The following GRB14 variants were observed in gnomAD, a reference collection of about 807,000 sequenced individuals.
GRB14 encodes growth factor receptor bound protein 14.
A neutral mutation model predicts 69.1 loss-of-function variants in GRB14; 38 were observed. The ratio of observed to expected loss-of-function variants is 0.55; its 90% CI spans 0.42 to 0.72. The LOEUF is 0.72. Among genes scored for constraint, GRB14 ranks in the 30% least tolerant of loss-of-function variants. The pLI is 0.00. For synonymous variants in GRB14, 247 were observed against 241.3 expected (o/e 1.02, Z -0.22); for missense variants, 666 against 666.1 (o/e 1.00, Z 0.00).
intron 2 of GRB14, among the ~76,000 whole-genome samples, chr2:164,582,513 C>G (rs1689437111): frequency 6.6e-6 from 1 of 151,886 alleles, no homozygotes; most frequent in Non-Finnish European, 1.5e-5. Flanking sequence ...CCTCTGCCTC[C>G]CAGGTTCAGG....
Position 164,605,191 on chromosome 2 carries a change from G to A in GRB14, c.324+14496C>T, listed in dbSNP as rs181351811. On this transcript the variant is annotated intron_variant, in intron 2 of 13. Transcript: ENST00000263915. ...AATAGCAGAGAAGTTTTGAAAAGTG[G>A]ATAAATCCAAGAGTTGTTCTTCCCA... is the stretch of plus-strand genomic sequence containing the variant. Among the ~76,000 whole-genome samples, 77 of 152,236 alleles carry A rather than the reference G, an allele frequency of 5.1e-4. No individual in the cohort carries two copies. In the Middle Eastern group the frequency reaches 0.014, roughly 27 times the overall value.
At chr2:164,562,378 AT>A (rs939886725) in intron 2 of GRB14, among the ~76,000 whole-genome samples, 3 of 152,188 alleles carry the variant, frequency 2.0e-5, no homozygotes, top group Non-Finnish European at 2.9e-5. Flanking sequence ...AGTTGGATTC[AT>A]TTTTTTTAAT....
At position 164,525,007 on chromosome 2, in the gene GRB14, C is replaced by T. The variant is rs746587697; in HGVS notation, c.675G>A (p.Leu225=). The change falls in exon 5 of 14, where the codon TTG becomes TTA. Residue 225 remains leucine (L), a synonymous_variant. Transcript: ENST00000263915. The part of the protein sequence containing the change: ...TNGEISPTQI[L]QMFLSSSTYP... ...TGTTAATAAAAATATATTTTACCTG[C>T]AAAATCTGTGTGGGGGATATTTCAC... is the stretch of plus-strand genomic sequence containing the variant. The T allele has an allele frequency of 1.3e-6, 2 of 1,553,622 alleles. No homozygotes were observed. Among genetic ancestry groups the T allele is most frequent in the Admixed American group, 3.6e-5 (2 of 54,808 alleles).
chr2:164,493,894 AC>A (rs892827566), intron 13 of GRB14, among the ~76,000 whole-genome samples: 3 of 152,128 alleles, frequency 2.0e-5, no homozygotes, highest in African/African-American at 7.2e-5. Flanking sequence ...ATGCACACCC[AC>A]ACAGACACAC....
At chr2:164,520,325 C>G (rs1226661692) in intron 6 of GRB14, among the ~76,000 whole-genome samples, 1 of 152,052 alleles carries the variant, frequency 6.6e-6, no homozygotes, top group African/African-American at 2.4e-5. Context: ...GAAAGTGGAT[C>G]CTTATCTCTG....
chr2:164,574,322 A>T (rs1452831238), intron 2 of GRB14, among the ~76,000 whole-genome samples: 2 of 150,720 alleles, frequency 1.3e-5, no homozygotes, highest in Non-Finnish European at 3.0e-5. Flanking sequence ...GCTCACTGCA[A>T]CCTCCGCCTC....
At chr2:164,521,410 A>G (rs1402384452) in intron 6 of GRB14, among the ~76,000 whole-genome samples, 1 of 152,090 alleles carries the variant, frequency 6.6e-6, no homozygotes, top group Non-Finnish European at 1.5e-5. Flanking sequence ...CAATGAGTAG[A>G]GTGTATTCTG....
chr2:164,507,433 A>G (rs747145843), intron 8 of GRB14, among the ~76,000 whole-genome samples: 17 of 152,170 alleles, frequency 1.1e-4, no homozygotes, highest in Non-Finnish European at 2.4e-4. Flanking sequence ...TAGTACACGC[A>G]TTGTTAATAA....
At chr2:164,582,887 G>C (rs893043221) in intron 2 of GRB14, among the ~76,000 whole-genome samples, 4 of 152,116 alleles carry the variant, frequency 2.6e-5, no homozygotes, top group Admixed American at 2.0e-4. Context: ...CCCTGTGATT[G>C]CTTGTCTTGA....
chr2:164,611,233 G>A (rs1046885080), intron 2 of GRB14, among the ~76,000 whole-genome samples: 1 of 152,074 alleles, frequency 6.6e-6, no homozygotes, highest in Non-Finnish European at 1.5e-5. Flanking sequence ...TACATGCCGC[G>A]ATTTACCTTT....
intron 2 of GRB14, among the ~76,000 whole-genome samples, chr2:164,585,129 G>A (rs1489101323): frequency 4.9e-5 from 4 of 81,946 alleles, no homozygotes; most frequent in Non-Finnish European, 6.9e-5. Flanking sequence ...TTTTTTTTTA[G>A]TAGAGATGGG....
intron 2 of GRB14, among the ~76,000 whole-genome samples, chr2:164,603,217 GA>G (rs1394392567): frequency 2.7e-5 from 4 of 150,900 alleles, no homozygotes; most frequent in Non-Finnish European, 4.4e-5. Context: ...AATACATGAT[GA>G]AAAAATGTTA....
chr2:164,508,322 C>T (rs959621951), intron 8 of GRB14, 133 bp downstream of exon 8: 3 of 638,582 alleles, frequency 4.7e-6, no homozygotes, highest in Admixed American at 5.8e-5. Flanking sequence ...TAAAAACATA[C>T]ACATTTGGTG....
At chr2:164,527,484 T>A (rs550782107) in intron 3 of GRB14, among the ~76,000 whole-genome samples, 11 of 151,774 alleles carry the variant, frequency 7.2e-5, no homozygotes, top group Non-Finnish European at 1.3e-4. Flanking sequence ...ATTAAGTATA[T>A]GGGAACTATT....
At chr2:164,550,952 C>A (rs1688522359) in intron 2 of GRB14, among the ~76,000 whole-genome samples, 1 of 152,152 alleles carries the variant, frequency 6.6e-6, no homozygotes, top group Non-Finnish European at 1.5e-5. Flanking sequence ...GCTCTGGTAG[C>A]TCCACCTTCA....
chr2:164,597,434 C>T (rs1191036062), intron 2 of GRB14, among the ~76,000 whole-genome samples: 1 of 152,022 alleles, frequency 6.6e-6, no homozygotes, highest in Non-Finnish European at 1.5e-5. Flanking sequence ...TGTAGCCCCT[C>T]CTTTCAAATG....
At chr2:164,517,695 A>G (rs908642974) in intron 6 of GRB14, among the ~76,000 whole-genome samples, 11 of 152,202 alleles carry the variant, frequency 7.2e-5, no homozygotes, top group African/African-American at 2.7e-4. Flanking sequence ...ATGGACACCA[A>G]AAGAGAGCAG....
intron 2 of GRB14, among the ~76,000 whole-genome samples, chr2:164,609,792 C>T (rs991149125): frequency 6.6e-6 from 1 of 152,082 alleles, no homozygotes; most frequent in Non-Finnish European, 1.5e-5. Flanking sequence ...ACAGTCAGGA[C>T]ATGGAAGAAC....
At chr2:164,608,636 G>A (rs1248945764) in intron 2 of GRB14, among the ~76,000 whole-genome samples, 1 of 151,802 alleles carries the variant, frequency 6.6e-6, no homozygotes, top group East Asian at 1.9e-4. Context: ...AGAGTTCTGG[G>A]GAGTATGATG....
Sources: allele counts gnomAD v4.1 joint callset (sites outside exome capture counted in the v4.1 genomes callset), GRCh38; gene constraint gnomAD v4.1.1; transcripts MANE v1.5; gene names NCBI Gene and HGNC (gene_info 2026-07-23, HGNC 2026-07-21).